TM7SF3: variants seen among roughly 807,000 people sequenced by gnomAD.
The protein encoded by TM7SF3 is seven span transmembrane protein.
Under a neutral mutation model 65.5 loss-of-function variants are expected in TM7SF3, and 60 were observed. The observed-to-expected ratio is 0.92, with a 90% CI of 0.74 to 1.14. The LOEUF is 1.14. Among genes scored for constraint, TM7SF3 ranks in the 50% most tolerant of loss-of-function variants. The probability of loss-of-function intolerance (pLI) is 0.00; values close to 1 mark genes in which losing one functional copy is unlikely to be tolerated. For missense variants in TM7SF3, 623 were observed against 684.8 expected (o/e 0.91, Z 1.01); for synonymous variants, 264 against 259.6 (o/e 1.02, Z -0.16).
chr12:26,977,712 C>T (rs763063744), intron 9 of TM7SF3, among the ~76,000 whole-genome samples: 19 of 151,952 alleles, frequency 1.3e-4, no homozygotes, highest in Non-Finnish European at 2.4e-4. Flanking sequence ...TGAGACTGCG[C>T]GACTGCACTC....
At position 26,992,905 on chromosome 12, in the gene TM7SF3, CTTTTTTTTT is replaced by C. The variant is rs1202323508; in HGVS notation, c.691-2287_691-2279del. ...AAATGATCCAGATTTTCCCTAATGT[CTTTTTTTTT>C]TTTTTTTTTTTTTGAGACAGGGTCT... On this transcript the variant is annotated intron_variant, in intron 5 of 11. Transcript: ENST00000343028. Among the ~76,000 whole-genome samples, 862 of 110,012 alleles carry C rather than the reference CTTTTTTTTT, an allele frequency of 7.8e-3. 10 individuals are homozygous for C. The highest frequency in any genetic ancestry group is 0.063 in the South Asian group (199 of 3,140). The allele number at this position is 110,012 out of a possible 152,430, so 72.2% of individuals were successfully genotyped here.
intron 6 of TM7SF3, among the ~76,000 whole-genome samples, chr12:26,984,909 T>C (rs1226452310): frequency 6.6e-6 from 1 of 152,186 alleles, no homozygotes; most frequent in African/African-American, 2.4e-5. Context: ...TGCTAAGGGT[T>C]ATGAACCACA....
At position 26,985,806 on chromosome 12, in the gene TM7SF3, G is replaced by GTTTTTT. The variant is rs149988617; in HGVS notation, c.869-2953_869-2948dup. ...CTTTGCTTGGCCAAATTTCTTTTTCGTTTTTTTTTTTTTTTTTTTTTTTTT... is the reference window on the plus strand; with the variant it reads ...CTTTGCTTGGCCAAATTTCTTTTTCGTTTTTTTTTTTTTTTTTTTTTTTTTTTTTTT... On this transcript the variant is annotated intron_variant, in intron 6 of 11. Coordinates refer to ENST00000343028, the MANE Select transcript of TM7SF3 (RefSeq NM_016551.3). Among the ~76,000 whole-genome samples, 515 of 52,840 alleles carry GTTTTTT rather than the reference G, an allele frequency of 9.7e-3. 60 individuals are homozygous for GTTTTTT. Among genetic ancestry groups the GTTTTTT allele is most frequent in the Non-Finnish European group, 0.014 (442 of 32,310 alleles). 34.7% of individuals were successfully genotyped at this position (52,840 alleles called of 152,430 possible). A position where few individuals can be genotyped will look rare whatever the true frequency, so the allele number is the denominator to read the frequency against.
chr12:27,003,180 T>C, intron 2 of TM7SF3, 56 bp downstream of exon 2: 1 of 1,305,240 alleles, frequency 7.7e-7, no homozygotes, highest in Non-Finnish European at 1.1e-6. Context: ...TCATACTAAA[T>C]ACCAGACCCC....
chr12:26,982,924 G>T, intron 6 of TM7SF3, 65 bp from the exon 7 acceptor site: 1 of 1,164,122 alleles, frequency 8.6e-7, no homozygotes, highest in South Asian at 1.5e-5. Flanking sequence ...AATATTTATA[G>T]AACGAACCTT....
At chr12:27,009,111 C>T (rs981987309) in intron 1 of TM7SF3, among the ~76,000 whole-genome samples, 2 of 152,192 alleles carry the variant, frequency 1.3e-5, no homozygotes, top group African/African-American at 4.8e-5. Context: ...GTCTCAATTG[C>T]ATTCTACTGG....
At chr12:26,995,121 G>T in intron 5 of TM7SF3, 116 bp downstream of exon 5, 1 of 1,022,492 alleles carries the variant, frequency 9.8e-7, no homozygotes, top group Non-Finnish European at 1.4e-6. Flanking sequence ...AATAAAGTGA[G>T]TGTCCCCCAA....
chr12:26,995,514 A>C, intron 4 of TM7SF3, 106 bp from the exon 5 acceptor site: 1 of 1,190,358 alleles, frequency 8.4e-7, no homozygotes, highest in African/African-American at 1.5e-5. Flanking sequence ...AATAATTACA[A>C]TTTAACAGTT....
intron 6 of TM7SF3, 86 bp from the exon 7 acceptor site, chr12:26,982,945 G>T (rs1939880956): frequency 2.1e-6 from 2 of 950,992 alleles, no homozygotes; most frequent in Non-Finnish European, 3.0e-6. Context: ...CATCAAAAAA[G>T]CTAAGTGAAC....
intron 2 of TM7SF3, 46 bp from the exon 3 acceptor site, chr12:26,999,722 A>C: frequency 6.2e-7 from 1 of 1,605,578 alleles, no homozygotes; most frequent in Non-Finnish European, 8.5e-7. Context: ...GTCGACCAAA[A>C]CATAAATTAC....
At chr12:26,997,886 C>A (rs932100718) in intron 3 of TM7SF3, among the ~76,000 whole-genome samples, 1 of 137,136 alleles carries the variant, frequency 7.3e-6, no homozygotes, top group South Asian at 2.3e-4. Context: ...AGTGAAGTGG[C>A]GCAATCTCAG....
At chr12:26,983,978 C>A (rs1281038370) in intron 6 of TM7SF3, among the ~76,000 whole-genome samples, 1 of 152,096 alleles carries the variant, frequency 6.6e-6, no homozygotes, top group African/African-American at 2.4e-5. Flanking sequence ...TAAAACAAGG[C>A]TGCCACAAAT....
chr12:26,986,294 T>G (rs190491624), intron 6 of TM7SF3, among the ~76,000 whole-genome samples: 57 of 152,300 alleles, frequency 3.7e-4, no homozygotes, highest in Non-Finnish European at 5.1e-4. Context: ...TCCTCCACCA[T>G]CCATCCCCCA....
intron 11 of TM7SF3, among the ~76,000 whole-genome samples, chr12:26,975,267 A>T (rs1466045732): frequency 2.0e-5 from 3 of 152,184 alleles, no homozygotes. Flanking sequence ...GAAATTTCTT[A>T]ATGAAATTCA....
At chr12:27,002,567 C>T (rs1940874995) in intron 2 of TM7SF3, among the ~76,000 whole-genome samples, 1 of 151,970 alleles carries the variant, frequency 6.6e-6, no homozygotes, top group Admixed American at 6.6e-5. Flanking sequence ...AGGTGAAATG[C>T]ATGTATTGGT....
Position 26,976,334 on chromosome 12 carries a change from C to T in TM7SF3, c.1213G>A (p.Asp405Asn). The T allele has an allele frequency of 3.1e-6, 5 of 1,613,868 alleles. No homozygotes were observed. The highest frequency in any genetic ancestry group is 4.2e-6 in the Non-Finnish European group (5 of 1,179,862). ...GAGAAAGTGACCCAGAATACACCAT[C>T]ATCATGAAAAATCTTTAGGTTTCCT... ...PLGNLKIFHD[D>N]GVFWVTFSCI... Residue 405 changes from aspartate (D) to asparagine (N), a missense_variant, in exon 10 of 12, where the codon GAT becomes AAT. Coordinates refer to ENST00000343028, the MANE Select transcript of TM7SF3 (RefSeq NM_016551.3).
chr12:26,992,299 G>A (rs1231036067), intron 5 of TM7SF3, among the ~76,000 whole-genome samples: 2 of 151,746 alleles, frequency 1.3e-5, no homozygotes, highest in Non-Finnish European at 2.9e-5. Flanking sequence ...TTATTGAGAC[G>A]GAATGTCGCT....
intron 3 of TM7SF3, among the ~76,000 whole-genome samples, chr12:26,998,859 T>C (rs540519594): frequency 6.6e-6 from 1 of 152,184 alleles, no homozygotes; most frequent in Admixed American, 6.5e-5. Flanking sequence ...TCAAATTGTA[T>C]GCAAGGCCCT....
chr12:26,997,641 T>A (rs183978853), intron 3 of TM7SF3, among the ~76,000 whole-genome samples: 1 of 152,114 alleles, frequency 6.6e-6, no homozygotes, highest in East Asian at 1.9e-4. Flanking sequence ...TCCCTCTCCT[T>A]CCCTTTACCC....
Sources: gnomAD v4.1 joint callset for allele counts (sites outside exome capture counted in the v4.1 genomes callset) on GRCh38, gnomAD v4.1.1 for gene constraint, MANE v1.5 for transcripts, NCBI Gene and HGNC (gene_info 2026-07-23, HGNC 2026-07-21) for gene names.